WDR49: variants seen among roughly 807,000 people sequenced by gnomAD.
WDR49 encodes cilia- and flagella-associated protein 337.
WDR49 carries 107 observed loss-of-function variants against 119.5 expected under a neutral mutation model. The ratio of observed to expected loss-of-function variants is 0.90; its 90% CI spans 0.77 to 1.05. The LOEUF (loss-of-function observed/expected upper bound fraction) is 1.05, where lower values mean the gene tolerates loss of function less well. Ranked by LOEUF, WDR49 falls within the 50% of genes least tolerant of loss-of-function variation. The pLI, the probability that WDR49 is intolerant of heterozygous loss-of-function variation, is 0.00. For synonymous variants in WDR49, 425 were observed against 418.8 expected, an observed-to-expected ratio of 1.01 and a Z score of -0.18; for missense variants, 1,240 against 1,220.5, an observed-to-expected ratio of 1.02 and a Z score of -0.24.
At position 167,546,011 on chromosome 3, in the gene WDR49, T is replaced by C. The variant is rs546233051; in HGVS notation, c.1823+8639A>G. Among the ~76,000 whole-genome samples the C allele has an allele frequency of 2.0e-5, 3 of 152,026 alleles. No individual in the cohort carries two copies. The East Asian group carries it at 5.8e-4, about 29-fold the overall frequency. On this transcript the variant is annotated intron_variant, in intron 10 of 18. Transcript: ENST00000682715. ...TAATCTCATAGTAACTTTATGTGTA[T>C]GTATTTTTGATTTTCTCTTTTCCTA...
At chr3:167,614,351 G>A (rs1174075417) in intron 5 of WDR49, among the ~76,000 whole-genome samples, 3 of 151,990 alleles carry the variant, frequency 2.0e-5, no homozygotes, top group Admixed American at 6.5e-5. Flanking sequence ...CGCCCACCTC[G>A]GCTTCCCAAA....
At chr3:167,485,202 G>C (rs537530307) in intron 18 of WDR49, among the ~76,000 whole-genome samples, 25 of 152,132 alleles carry the variant, frequency 1.6e-4, no homozygotes, top group Admixed American at 9.2e-4. Flanking sequence ...GGGTGGTTGG[G>C]GGGAAGGGGA....
At chr3:167,583,738 G>A (rs1055128780) in intron 7 of WDR49, among the ~76,000 whole-genome samples, 1 of 152,168 alleles carries the variant, frequency 6.6e-6, no homozygotes, top group Non-Finnish European at 1.5e-5. Flanking sequence ...AGGTGAGACT[G>A]TTAAACTGGA....
intron 18 of WDR49, among the ~76,000 whole-genome samples, chr3:167,483,911 A>G (rs1484042734): frequency 6.6e-6 from 1 of 152,154 alleles, no homozygotes; most frequent in African/African-American, 2.4e-5. Flanking sequence ...TTAACTTAAC[A>G]TCTTTTAAAT....
Position 167,500,197 on chromosome 3 carries a change from T to G in WDR49, c.2987A>C (p.Glu996Ala). Reference sequence around the variant, plus strand: ...CTCCAGAATTTGGGGACGCTCTTCCTCTGGTTCTTTCCTAAAGTATTTCTC... The same window carrying G: ...CTCCAGAATTTGGGGACGCTCTTCCGCTGGTTCTTTCCTAAAGTATTTCTC... ...DPEKYFRKEP[E>A]EERPQILEAP... The change falls in exon 18 of 19, where the codon GAG (glutamate) becomes GCG (alanine). Residue 996 changes from glutamate (E) to alanine (A), a missense_variant. Transcript: ENST00000682715. 1 of 1,588,076 alleles carries G rather than the reference T, an allele frequency of 6.3e-7. No individual in the cohort carries two copies. The highest frequency in any genetic ancestry group is 8.5e-7 in the Non-Finnish European group (1 of 1,172,708).
intron 8 of WDR49, among the ~76,000 whole-genome samples, chr3:167,567,221 C>T (rs975250648): frequency 6.6e-6 from 1 of 152,110 alleles, no homozygotes; most frequent in African/African-American, 2.4e-5. Flanking sequence ...TATTGTCTAA[C>T]GTCCCTTTGT....
chr3:167,630,450 T>C (rs1717321849), intron 2 of WDR49, among the ~76,000 whole-genome samples: 1 of 152,112 alleles, frequency 6.6e-6, no homozygotes, highest in African/African-American at 2.4e-5. Context: ...ACTCACTTTA[T>C]CCTGATACCC....
chr3:167,619,491 C>T (rs1716760650), intron 5 of WDR49, among the ~76,000 whole-genome samples: 1 of 151,958 alleles, frequency 6.6e-6, no homozygotes, highest in African/African-American at 2.4e-5. Context: ...AAATGAAGAG[C>T]ACATAGTTCC....
At chr3:167,650,905 A>G (rs1718346277) in intron 2 of WDR49, among the ~76,000 whole-genome samples, 1 of 152,122 alleles carries the variant, frequency 6.6e-6, no homozygotes, top group Non-Finnish European at 1.5e-5. Flanking sequence ...AGGCCCAGAG[A>G]GATTAAGTAT....
At chr3:167,518,969 T>G (rs1024399118) in intron 16 of WDR49, among the ~76,000 whole-genome samples, 10 of 148,116 alleles carry the variant, frequency 6.8e-5, no homozygotes, top group African/African-American at 2.5e-4. Flanking sequence ...GGCAAAGACA[T>G]AAACTGACAC....
At chr3:167,615,705 T>C (rs1716564052) in intron 5 of WDR49, among the ~76,000 whole-genome samples, 1 of 152,170 alleles carries the variant, frequency 6.6e-6, no homozygotes, top group African/African-American at 2.4e-5. Flanking sequence ...AGAAAATTAA[T>C]GTAATGCTTT....
At chr3:167,589,810 T>A (rs1210330544) in intron 7 of WDR49, among the ~76,000 whole-genome samples, 3 of 152,084 alleles carry the variant, frequency 2.0e-5, no homozygotes, top group African/African-American at 7.2e-5. Flanking sequence ...ACCATTCTAA[T>A]GTTCTTTGGT....
chr3:167,542,053 T>A (rs545696205), intron 10 of WDR49, among the ~76,000 whole-genome samples: 4 of 151,856 alleles, frequency 2.6e-5, no homozygotes, highest in Non-Finnish European at 4.4e-5. Context: ...GAACATTATA[T>A]GATGATTTAA....
At chr3:167,517,705 T>G (rs955227843) in intron 16 of WDR49, among the ~76,000 whole-genome samples, 1 of 145,406 alleles carries the variant, frequency 6.9e-6, no homozygotes, top group African/African-American at 2.5e-5. Context: ...AACCTTTACT[T>G]TTTTTTTCTT....
intron 5 of WDR49, among the ~76,000 whole-genome samples, chr3:167,613,939 CAAAA>C (rs113461805): frequency 9.3e-6 from 1 of 107,440 alleles, no homozygotes. Flanking sequence ...GACTCTGTCT[CAAAA>C]AAAAAAAAAA....
chr3:167,569,954 TTAAA>T (rs1476074518), intron 8 of WDR49, among the ~76,000 whole-genome samples: 7 of 152,182 alleles, frequency 4.6e-5, no homozygotes, highest in Admixed American at 2.0e-4. Context: ...ACTAATCACA[TTAAA>T]TAAATGTGTA....
chr3:167,522,366 G>A lies in WDR49; in HGVS notation c.2723C>T (p.Pro908Leu). ...LFSKEESCLD[P>L]TEHSLLNKKN... is the part of the protein sequence containing the mutation. The stretch of plus-strand genomic sequence containing the variant: ...CTTATTAAGTAGAGAATGTTCTGTT[G>A]GGTCTAAACAAGATTCCTCCTTAGA... Residue 908 changes from proline to leucine, a missense_variant, in exon 16 of 19, where the codon CCA (proline) becomes CTA (leucine). Coordinates refer to ENST00000682715, the MANE Select transcript of WDR49 (RefSeq NM_001366157.1). 6.2e-7 allele frequency: 1 copy of A among 1,604,974 alleles called. No individual in the cohort carries two copies.
intron 16 of WDR49, among the ~76,000 whole-genome samples, chr3:167,509,336 TGA>T (rs1160591072): frequency 6.6e-6 from 1 of 152,140 alleles, no homozygotes; most frequent in African/African-American, 2.4e-5. Context: ...CTGTGAGATG[TGA>T]GTGTGTCATA....
chr3:167,561,606 T>A (rs1713275226), intron 8 of WDR49, among the ~76,000 whole-genome samples: 1 of 151,816 alleles, frequency 6.6e-6, no homozygotes, highest in African/African-American at 2.4e-5. Flanking sequence ...GGGGATTGGG[T>A]TAGGGAGTGG....
Sources: gnomAD v4.1 joint callset for allele counts (sites outside exome capture counted in the v4.1 genomes callset) on GRCh38, gnomAD v4.1.1 for gene constraint, MANE v1.5 for transcripts, NCBI Gene and HGNC (gene_info 2026-07-23, HGNC 2026-07-21) for gene names.